Variants in RASGEF1A observed in about 807,000 individuals in gnomAD.
RASGEF1A encodes the protein ras-GEF domain-containing family member 1A.
In RASGEF1A, 18 loss-of-function variants were observed where a neutral mutation model predicts 56.4. The observed-to-expected ratio is 0.32, with a 90% CI of 0.22 to 0.47. The LOEUF (loss-of-function observed/expected upper bound fraction) is 0.47. RASGEF1A is among the 20% of genes least tolerant of loss of function. RASGEF1A has a pLI of 1.00. For missense variants in RASGEF1A, 422 were observed against 627.1 expected (o/e 0.67, Z 3.49); for synonymous variants, 245 against 242.6 (o/e 1.01, Z -0.09).
intron 8 of RASGEF1A, 38 bp downstream of exon 8, chr10:43,199,054 C>A (rs1187812831): frequency 6.2e-7 from 1 of 1,603,348 alleles, no homozygotes; most frequent in Admixed American, 1.7e-5. Flanking sequence ...GGGGGGTGGG[C>A]CATGCAGCAG....
At chr10:43,210,918 C>T (rs4998262) in intron 1 of RASGEF1A, among the ~76,000 whole-genome samples, 6,790 of 65,074 alleles carry the variant, frequency 0.1, 598 homozygotes, top group African/African-American at 0.19. Flanking sequence ...GAGCAGCAGC[C>T]CCTTGCAGGG....
intron 1 of RASGEF1A, chr10:43,207,947 G>A: frequency 2.5e-6 from 2 of 814,212 alleles, no homozygotes; most frequent in Non-Finnish European, 3.0e-6. Context: ...GCCTCCCTGG[G>A]TTTAACCTAG....
intron 1 of RASGEF1A, among the ~76,000 whole-genome samples, chr10:43,257,337 T>C (rs1355756071): frequency 6.6e-6 from 1 of 152,248 alleles, no homozygotes; most frequent in Non-Finnish European, 1.5e-5. Context: ...CACTTGTGTC[T>C]AGACACCCCT....
chr10:43,242,242 A>G (rs944655925), intron 1 of RASGEF1A, among the ~76,000 whole-genome samples: 1 of 152,210 alleles, frequency 6.6e-6, no homozygotes, highest in African/African-American at 2.4e-5. Context: ...GAGAAAATAG[A>G]CTTTAGGACA....
At chr10:43,200,005 G>A (rs927678224) in intron 6 of RASGEF1A, among the ~76,000 whole-genome samples, 177 bp downstream of exon 6, 5 of 152,254 alleles carry the variant, frequency 3.3e-5, no homozygotes, top group African/African-American at 9.6e-5. Flanking sequence ...TCTTGGAGCA[G>A]GTGCTGCCTC....
chr10:43,202,646 C>T, intron 3 of RASGEF1A: 1 of 466,196 alleles, frequency 2.1e-6, no homozygotes. Context: ...ACCCCGCCCC[C>T]GGCCCCCGCA....
intron 4 of RASGEF1A, among the ~76,000 whole-genome samples, chr10:43,201,589 G>C (rs1839899672): frequency 6.6e-6 from 1 of 152,212 alleles, no homozygotes; most frequent in Non-Finnish European, 1.5e-5. Context: ...CGGGCTGCAA[G>C]GTCCCTGCTT....
chr10:43,199,192 C>T lies in RASGEF1A; in HGVS notation c.852G>A (p.Val284=). Residue 284 remains valine (V), a splice_region_variant and synonymous_variant, in exon 8 of 13, where the codon GTG becomes GTA. Coordinates refer to ENST00000395810, the MANE Select transcript of RASGEF1A (RefSeq NM_145313.4). ...SMLVATEVCR[V]VKKKHRTRML... is the part of the protein sequence containing the mutation. Reference sequence around the variant, plus strand: ...TGCGGGTCCGGTGTTTCTTCTTCACCACCTGGAAGGTGGCAGGTGACCTCA... The same window carrying T: ...TGCGGGTCCGGTGTTTCTTCTTCACTACCTGGAAGGTGGCAGGTGACCTCA... 6.2e-7 allele frequency: 1 copy of T among 1,606,556 alleles called. No individual in the cohort carries two copies. The highest frequency in any genetic ancestry group is 1.3e-5 in the African/African-American group (1 of 74,930).
intron 1 of RASGEF1A, among the ~76,000 whole-genome samples, chr10:43,257,237 G>C (rs956764018): frequency 6.6e-6 from 1 of 152,220 alleles, no homozygotes; most frequent in African/African-American, 2.4e-5. Context: ...CCCTGGACTG[G>C]CCACTTCTCG....
chr10:43,249,637 C>T (rs201688215), intron 1 of RASGEF1A, among the ~76,000 whole-genome samples: 3 of 152,214 alleles, frequency 2.0e-5, no homozygotes, highest in Non-Finnish European at 2.9e-5. Flanking sequence ...TGTCTGCACA[C>T]AGCTCGGGCC....
At position 43,199,583 on chromosome 10, in the gene RASGEF1A, T is replaced by TA. The variant is rs1298198662; in HGVS notation, c.849+92dup. The TA allele has an allele frequency of 2.0e-5, 21 of 1,035,932 alleles. No homozygotes were observed. The Admixed American group carries it at 3.2e-4, about 16-fold the overall frequency. The allele number at this position is 1,035,932 out of a possible 1,614,324, so 64.2% of individuals were successfully genotyped here. ...AACAGGGACTTTGTGCATTCACTCT[T>TA]AAAGTTCCATCATCTAATTCCTGGG... On this transcript the variant is annotated intron_variant, in intron 7 of 12. Coordinates refer to ENST00000395810, the MANE Select transcript of RASGEF1A (RefSeq NM_145313.4).
intron 1 of RASGEF1A, among the ~76,000 whole-genome samples, chr10:43,212,231 C>T (rs1840078354): frequency 6.6e-6 from 1 of 152,248 alleles, no homozygotes; most frequent in Non-Finnish European, 1.5e-5. Context: ...TGTTGGAACA[C>T]ATCCCGGCAT....
intron 1 of RASGEF1A, chr10:43,207,570 G>A (rs756122964): frequency 2.0e-6 from 2 of 985,468 alleles, no homozygotes; most frequent in African/African-American, 3.5e-5. Flanking sequence ...GAGCAAGAAC[G>A]CAACCAAAGG....
Position 43,196,620 on chromosome 10 carries a change from G to A in RASGEF1A, c.1349-72C>T. 7.3e-7 allele frequency: 1 copy of A among 1,378,592 alleles called. No homozygotes were observed. The highest frequency in any genetic ancestry group is 1.0e-6 in the Non-Finnish European group (1 of 974,670). 85.4% of individuals were successfully genotyped at this position (1,378,592 alleles called of 1,614,324 possible). ...CTGCCTGAACCCAGCTGTCCCTTCA[G>A]GAGTACAGCCCAGCACAAGGGGACA... is the stretch of plus-strand genomic sequence containing the variant. On this transcript the variant is annotated intron_variant, in intron 11 of 12. Transcript: ENST00000395810. This position sits in a 1 kb window ranked among gnomAD's most constrained non-coding sequence, Gnocchi z 4.6.
intron 1 of RASGEF1A, among the ~76,000 whole-genome samples, chr10:43,232,028 G>C (rs1402919042): frequency 6.6e-6 from 1 of 152,268 alleles, no homozygotes; most frequent in Non-Finnish European, 1.5e-5. Context: ...GAGCAACAGA[G>C]CCTGCTCTGA....
chr10:43,194,619 C>CAAG lies in RASGEF1A; in HGVS notation c.*1624_*1625insCTT, dbSNP rs1322282073. ...CTGCATTATGGTACAGCTTCATACT[C>CAAG]AGAGTTCATCTCAAATACCAAAACA... is the stretch of plus-strand genomic sequence containing the variant. On this transcript the variant is annotated 3_prime_UTR_variant, in exon 13 of 13. Coordinates refer to ENST00000395810, the MANE Select transcript of RASGEF1A (RefSeq NM_145313.4). 3 of 152,270 alleles carry CAAG rather than the reference C, an allele frequency of 2.0e-5. No individual in the cohort carries two copies. Among genetic ancestry groups the CAAG allele is most frequent in the East Asian group, 3.8e-4 (2 of 5,200 alleles). 9.4% of individuals were successfully genotyped at this position (152,270 alleles called of 1,614,324 possible).
chr10:43,215,114 C>T (rs1264508587), intron 1 of RASGEF1A, among the ~76,000 whole-genome samples: 2 of 152,170 alleles, frequency 1.3e-5, no homozygotes, highest in African/African-American at 4.8e-5. Context: ...ATTCGGGGGA[C>T]CGATGAGCTC....
At chr10:43,240,672 T>G (rs1472280827) in intron 1 of RASGEF1A, among the ~76,000 whole-genome samples, 5 of 151,826 alleles carry the variant, frequency 3.3e-5, no homozygotes, top group Admixed American at 6.6e-5. Context: ...TTATCCAGTC[T>G]GAGGCACAGA....
chr10:43,209,884 T>C (rs893313688), intron 1 of RASGEF1A, among the ~76,000 whole-genome samples: 3 of 152,102 alleles, frequency 2.0e-5, no homozygotes, highest in Non-Finnish European at 4.4e-5. Flanking sequence ...TACCTTCTCC[T>C]GAGCCAGAAA....
Sources: allele counts gnomAD v4.1 joint callset (sites outside exome capture counted in the v4.1 genomes callset), GRCh38; gene constraint gnomAD v4.1.1; non-coding constraint Gnocchi (gnomAD v3.1); transcripts MANE v1.5; gene names NCBI Gene and HGNC (gene_info 2026-07-23, HGNC 2026-07-21).